The following ZNF560 variants were observed in gnomAD, a reference collection of about 807,000 sequenced individuals.
ZNF560 encodes zinc finger protein 560.
ZNF560 carries 54 observed loss-of-function variants against 81.8 expected under a neutral mutation model. The observed-to-expected ratio is 0.66, with a 90% confidence interval of 0.53 to 0.83. The LOEUF (loss-of-function observed/expected upper bound fraction) is 0.83, where lower values mean the gene tolerates loss of function less well. ZNF560 is among the 40% of genes least tolerant of loss of function. ZNF560 has a pLI of 0.00. For synonymous variants in ZNF560, 321 were observed against 317.9 expected (o/e 1.01, Z -0.10); for missense variants, 940 against 932.4 (o/e 1.01, Z -0.11).
At chr19:9,500,718 G>C (rs898638086), upstream of ZNF560, among the ~76,000 whole-genome samples, 2 of 151,878 alleles carry the variant, frequency 1.3e-5, no homozygotes, top group African/African-American at 2.4e-5. Flanking sequence ...GCACTCCCAA[G>C]TGCCCACCAC....
the ZNF560 span, among the ~76,000 whole-genome samples, chr19:9,450,786 T>C: frequency 2.0e-5 from 3 of 152,134 alleles, no homozygotes; most frequent in Admixed American, 6.5e-5. Context: ...TGCCTCAGCC[T>C]CCCAAAGTGC....
intron 2 of ZNF560, among the ~76,000 whole-genome samples, chr19:9,486,870 G>A (rs766896552): frequency 2.6e-5 from 4 of 152,154 alleles, no homozygotes; most frequent in Non-Finnish European, 4.4e-5. Context: ...TTAGATATAA[G>A]GGAATGAGTA....
intron 5 of ZNF560, among the ~76,000 whole-genome samples, chr19:9,471,762 T>C (rs2073125946): frequency 6.6e-6 from 1 of 152,218 alleles, no homozygotes; most frequent in Non-Finnish European, 1.5e-5. Flanking sequence ...TTGAATATTT[T>C]CTAACTTCTG....
At chr19:9,481,081 TGA>T (rs749756195) in intron 2 of ZNF560, among the ~76,000 whole-genome samples, 7,679 of 90,212 alleles carry the variant, frequency 0.085, 405 homozygotes, top group African/African-American at 0.19. Context: ...AGAGATTATC[TGA>T]AAAAAAAAAA....
the ZNF560 span, among the ~76,000 whole-genome samples, chr19:9,504,254 G>T: frequency 1.3e-5 from 2 of 152,220 alleles, no homozygotes; most frequent in East Asian, 3.9e-4. Flanking sequence ...TGCCAACATG[G>T]TGAAACTCTG....
the ZNF560 span, among the ~76,000 whole-genome samples, chr19:9,457,164 CCA>C: frequency 1.3e-5 from 2 of 152,144 alleles, no homozygotes; most frequent in African/African-American, 4.8e-5. Flanking sequence ...TTGGAATTCC[CCA>C]GTTTTCGTAA....
intron 2 of ZNF560, among the ~76,000 whole-genome samples, chr19:9,478,209 A>C (rs1430668036): frequency 2.0e-5 from 3 of 152,178 alleles, no homozygotes; most frequent in African/African-American, 7.2e-5. Flanking sequence ...GTCACCAAAG[A>C]CCTTACAGGC....
Position 9,467,118 on chromosome 19 carries a change from G to C in ZNF560, c.1829C>G (p.Thr610Arg). Reference sequence around the variant, plus strand: ...ATGTTTAGTAAGATCTGAGCGTTCTGTGAAGGCTTTTCCACATTTCTTACA... The same window carrying C: ...ATGTTTAGTAAGATCTGAGCGTTCTCTGAAGGCTTTTCCACATTTCTTACA... ...YECKKCGKAF[T>R]ERSDLTKHLR... Residue 610 changes from threonine to arginine, a missense_variant, in exon 10 of 10, where the codon ACA becomes AGA. Transcript: ENST00000301480. The C allele has an allele frequency of 6.2e-7, 1 of 1,613,872 alleles. No individual in the cohort carries two copies. Among genetic ancestry groups the C allele is most frequent in the Non-Finnish European group, 8.5e-7 (1 of 1,180,002 alleles).
At chr19:9,458,064 T>C in the ZNF560 span, among the ~76,000 whole-genome samples, 1 of 152,192 alleles carries the variant, frequency 6.6e-6, no homozygotes, top group East Asian at 1.9e-4. Context: ...ATTCACGGAC[T>C]TTGACTCCTT....
chr19:9,499,928 ACTGTG>A (rs1388373225), upstream of ZNF560, among the ~76,000 whole-genome samples: 2 of 152,190 alleles, frequency 1.3e-5, no homozygotes, highest in Non-Finnish European at 2.9e-5. Flanking sequence ...TTGATGTTGT[ACTGTG>A]CAACTTTACG....
rs193920939 is a variant in ZNF560, at chr19:9,467,851, G to A, written c.1096C>T (p.His366Tyr). ...DFRYPTHLNN[H>Y]MQTHIGIKPY... is the part of the protein sequence containing the mutation. Reference sequence around the variant, plus strand: ...TTTATCCCAATGTGGGTTTGCATGTGATTATTAAGGTGGGTAGGGTATCTA... The same window carrying A: ...TTTATCCCAATGTGGGTTTGCATGTAATTATTAAGGTGGGTAGGGTATCTA... Residue 366 changes from histidine (H) to tyrosine (Y), a missense_variant, in exon 10 of 10, where the codon CAC becomes TAC. Physicochemically the swap from His to Tyr is moderately conservative, Grantham distance 83. Coordinates refer to ENST00000301480, the MANE Select transcript of ZNF560 (RefSeq NM_152476.3). 11 of 1,614,178 alleles carry A rather than the reference G, an allele frequency of 6.8e-6. No individual in the cohort carries two copies. The East Asian group carries it at 2.0e-4, about 29-fold the overall frequency.
intron 2 of ZNF560, among the ~76,000 whole-genome samples, chr19:9,479,698 C>T (rs73920797): frequency 0.027 from 4,070 of 152,086 alleles, 188 homozygotes; most frequent in African/African-American, 0.092. Context: ...ATTTTCCCTG[C>T]TCATTATTCC....
At chr19:9,498,408 C>G (rs984756106) in intron 1 of ZNF560, 130 bp downstream of exon 1, 2 of 152,310 alleles carry the variant, frequency 1.3e-5, no homozygotes, top group African/African-American at 2.4e-5. Flanking sequence ...CCGATGGCTC[C>G]GCGACTCCTG....
intron 2 of ZNF560, among the ~76,000 whole-genome samples, chr19:9,476,248 C>T (rs577009258): frequency 1.3e-5 from 2 of 152,014 alleles, no homozygotes; most frequent in East Asian, 1.9e-4. Flanking sequence ...ATGCTGTTTT[C>T]GTGATAATGA....
chr19:9,500,023 TTTTA>T (rs2073619178), upstream of ZNF560, among the ~76,000 whole-genome samples: 1 of 152,186 alleles, frequency 6.6e-6, no homozygotes, highest in Admixed American at 6.5e-5. Flanking sequence ...ATAAATATAT[TTTTA>T]TTTGTTCTAT....
At chr19:9,468,728 T>TC (rs1173686584) in intron 9 of ZNF560, among the ~76,000 whole-genome samples, 2 of 122,234 alleles carry the variant, frequency 1.6e-5, no homozygotes, top group African/African-American at 6.4e-5. Flanking sequence ...CTGATTTCTT[T>TC]TTTTTTTTTT....
chr19:9,471,506 T>TC, intron 5 of ZNF560, 128 bp from the exon 6 acceptor site: 1 of 674,094 alleles, frequency 1.5e-6, no homozygotes, highest in Non-Finnish European at 2.3e-6. Context: ...AAAGCTAAAT[T>TC]GAACATTTAG....
At chr19:9,473,405 C>T in intron 4 of ZNF560, 146 bp from the exon 5 acceptor site, 1 of 566,908 alleles carries the variant, frequency 1.8e-6, no homozygotes, top group Non-Finnish European at 3.1e-6. Flanking sequence ...GGTGAAACCC[C>T]CGTCTCTACT....
At chr19:9,483,231 C>T (rs574514668) in intron 2 of ZNF560, among the ~76,000 whole-genome samples, 79 of 151,290 alleles carry the variant, frequency 5.2e-4, no homozygotes, top group African/African-American at 1.7e-3. Context: ...CGTCTCTGCC[C>T]GGCTGCCCAC....
Sources: allele counts gnomAD v4.1 joint callset (sites outside exome capture counted in the v4.1 genomes callset), GRCh38; gene constraint gnomAD v4.1.1; transcripts MANE v1.5; gene names NCBI Gene and HGNC (gene_info 2026-07-23, HGNC 2026-07-21).